Variants in RSU1 observed in about 807,000 individuals in gnomAD.
RSU1 encodes the protein Ras suppressor protein 1.
A neutral mutation model predicts 31.1 loss-of-function variants in RSU1; 26 were observed. That is an observed-to-expected ratio of 0.84 (90% CI 0.61 to 1.16). The LOEUF (loss-of-function observed/expected upper bound fraction) is 1.16, where lower values mean the gene tolerates loss of function less well. RSU1 is among the 50% of genes most tolerant of loss of function. RSU1 has a pLI of 0.00. For synonymous variants in RSU1, 164 were observed against 136.3 expected (o/e 1.20, Z -1.41); for missense variants, 320 against 339.1 (o/e 0.94, Z 0.44).
At chr10:16,685,368 C>G (rs759274420) in intron 8 of RSU1, among the ~76,000 whole-genome samples, 2 of 152,096 alleles carry the variant, frequency 1.3e-5, no homozygotes, top group Non-Finnish European at 2.9e-5. Flanking sequence ...CAGGGCGAGT[C>G]CACAGAGTAA....
At chr10:16,634,553 G>A (rs914313977) in intron 8 of RSU1, among the ~76,000 whole-genome samples, 4 of 152,180 alleles carry the variant, frequency 2.6e-5, no homozygotes, top group Non-Finnish European at 5.9e-5. Flanking sequence ...TATATACTTT[G>A]TAGCAGCCTC....
At chr10:16,652,876 G>A (rs555647552) in intron 8 of RSU1, among the ~76,000 whole-genome samples, 2 of 151,620 alleles carry the variant, frequency 1.3e-5, no homozygotes, top group East Asian at 3.9e-4. Context: ...ATGGGGTCTC[G>A]CTCTGTTGCC....
At chr10:16,764,081 G>A (rs1356560705) in intron 4 of RSU1, among the ~76,000 whole-genome samples, 1 of 152,160 alleles carries the variant, frequency 6.6e-6, no homozygotes, top group Non-Finnish European at 1.5e-5. Flanking sequence ...GCCAGTTCAT[G>A]CTATGCAAAT....
intron 8 of RSU1, among the ~76,000 whole-genome samples, chr10:16,670,854 T>C (rs1835092853): frequency 6.6e-6 from 1 of 152,106 alleles, no homozygotes; most frequent in Admixed American, 6.5e-5. Flanking sequence ...AACCTCCACC[T>C]CCCAGGTTCA....
At chr10:16,646,150 A>T (rs1025965782) in intron 8 of RSU1, among the ~76,000 whole-genome samples, 4 of 151,364 alleles carry the variant, frequency 2.6e-5, no homozygotes, top group African/African-American at 7.3e-5. Flanking sequence ...CAACAGCAAG[A>T]AAGCAGTTTC....
intron 8 of RSU1, among the ~76,000 whole-genome samples, chr10:16,646,056 A>G (rs201205837): frequency 0.28 from 8,265 of 29,908 alleles, 2,494 homozygotes; most frequent in South Asian, 0.44. Context: ...ATGTGTATAT[A>G]TATATACACA....
At position 16,770,912 on chromosome 10, in the gene RSU1, T is replaced by C. The variant is rs957352559; in HGVS notation, c.161-6402A>G. Among the ~76,000 whole-genome samples, 12 of 127,788 alleles carry C rather than the reference T, an allele frequency of 9.4e-5. No individual in the cohort carries two copies. In the East Asian group the frequency reaches 1.3e-3, roughly 14 times the overall value. The allele number at this position is 127,788 out of a possible 152,430, so 83.8% of individuals were successfully genotyped here. A position where few individuals can be genotyped will look rare whatever the true frequency, so the allele number is the denominator to read the frequency against. On this transcript the variant is annotated intron_variant, in intron 3 of 8. Coordinates refer to ENST00000345264, the MANE Select transcript of RSU1 (RefSeq NM_012425.4). ...CTACATAGAATGAGTCACAGCAAAA[T>C]GAAACTGAGTAGTATTGCTTCTAAA...
chr10:16,637,521 C>T (rs1196719244), intron 8 of RSU1, among the ~76,000 whole-genome samples: 3 of 151,838 alleles, frequency 2.0e-5, no homozygotes, highest in East Asian at 3.9e-4. Flanking sequence ...CTTTTCAGGC[C>T]ATGATGTGTG....
intron 7 of RSU1, among the ~76,000 whole-genome samples, chr10:16,718,043 AACAAAC>A (rs1836178381): frequency 6.6e-6 from 1 of 151,740 alleles, no homozygotes; most frequent in Admixed American, 6.6e-5. Context: ...GAAAACAATC[AACAAAC>A]ACAAAGTCAT....
intron 8 of RSU1, among the ~76,000 whole-genome samples, chr10:16,670,926 G>A (rs371287356): frequency 2.5e-4 from 38 of 151,910 alleles, no homozygotes; most frequent in African/African-American, 5.3e-4. Flanking sequence ...CACCACGCCC[G>A]GCTAATTTTT....
At chr10:16,704,181 C>T (rs1441434372) in intron 7 of RSU1, among the ~76,000 whole-genome samples, 1 of 152,104 alleles carries the variant, frequency 6.6e-6, no homozygotes, top group African/African-American at 2.4e-5. Context: ...TTTTTAGATA[C>T]TATCACAAGT....
intron 7 of RSU1, among the ~76,000 whole-genome samples, chr10:16,724,068 A>T (rs993292590): frequency 6.6e-6 from 1 of 151,892 alleles, no homozygotes; most frequent in Non-Finnish European, 1.5e-5. Context: ...AGCCTCCCCA[A>T]TAGCTGGGAT....
chr10:16,662,696 G>C (rs1834909771), intron 8 of RSU1, among the ~76,000 whole-genome samples: 1 of 152,082 alleles, frequency 6.6e-6, no homozygotes, highest in Non-Finnish European at 1.5e-5. Flanking sequence ...TTCTATTTTT[G>C]TTTAAACGAA....
At chr10:16,726,918 G>A in intron 7 of RSU1, 1 of 389,594 alleles carries the variant, frequency 2.6e-6, no homozygotes, top group South Asian at 1.9e-5. Flanking sequence ...GAAGGGCGTT[G>A]CATATGGTTT....
intron 8 of RSU1, among the ~76,000 whole-genome samples, chr10:16,674,764 G>C (rs1249182626): frequency 6.6e-6 from 1 of 152,144 alleles, no homozygotes; most frequent in Non-Finnish European, 1.5e-5. Flanking sequence ...TGTAAAGCCG[G>C]CCAGAAGCTG....
At chr10:16,796,590 T>A (rs1245145514) in intron 2 of RSU1, among the ~76,000 whole-genome samples, 1 of 152,158 alleles carries the variant, frequency 6.6e-6, no homozygotes, top group Non-Finnish European at 1.5e-5. Context: ...GCTCAACAAG[T>A]ATGAAATTGT....
At chr10:16,812,514 C>T (rs1015701962) in intron 2 of RSU1, among the ~76,000 whole-genome samples, 5 of 151,852 alleles carry the variant, frequency 3.3e-5, no homozygotes, top group African/African-American at 9.7e-5. Flanking sequence ...CAGGTCCTCC[C>T]CAGCTCTTTA....
chr10:16,764,916 T>A (rs1212875864), intron 3 of RSU1, among the ~76,000 whole-genome samples: 3 of 151,274 alleles, frequency 2.0e-5, no homozygotes, highest in Non-Finnish European at 4.4e-5. Flanking sequence ...TGCATTGCCG[T>A]CAGAAGAAGA....
At chr10:16,761,913 C>T (rs1837217811) in intron 4 of RSU1, among the ~76,000 whole-genome samples, 2 of 152,112 alleles carry the variant, frequency 1.3e-5, no homozygotes, top group Non-Finnish European at 2.9e-5. Flanking sequence ...CTTCCTTCAA[C>T]TTGTAAGTCT....
Sources: allele counts gnomAD v4.1 joint callset (sites outside exome capture counted in the v4.1 genomes callset), GRCh38; gene constraint gnomAD v4.1.1; transcripts MANE v1.5; gene names NCBI Gene and HGNC (gene_info 2026-07-23, HGNC 2026-07-21).